Variants in KRAS observed in about 807,000 individuals in gnomAD.
KRAS encodes GTPase KRas.
Under a neutral mutation model 21.0 loss-of-function variants are expected in KRAS, and 1 was observed. The observed-to-expected ratio is 0.05, with a 90% CI of 0.02 to 0.23. The LOEUF (loss-of-function observed/expected upper bound fraction) is 0.23. Ranked by LOEUF, KRAS falls within the 10% of genes least tolerant of loss-of-function variation. The probability of loss-of-function intolerance (pLI) is 1.00; values close to 1 mark genes in which losing one functional copy is unlikely to be tolerated. For synonymous variants in KRAS, 67 were observed against 72.5 expected, an observed-to-expected ratio of 0.92 and a Z score of 0.39; for missense variants, 107 against 221.8, an observed-to-expected ratio of 0.48 and a Z score of 3.29.
chr12:25,219,263 A>T (rs1407463993), intron 4 of KRAS, among the ~76,000 whole-genome samples: 1 of 152,124 alleles, frequency 6.6e-6, no homozygotes, highest in Admixed American at 6.6e-5. Flanking sequence ...ACATATACTC[A>T]TTTTCAAATG....
intron 2 of KRAS, among the ~76,000 whole-genome samples, chr12:25,237,840 T>C (rs887905339): frequency 6.6e-6 from 1 of 152,218 alleles, no homozygotes; most frequent in African/African-American, 2.4e-5. Flanking sequence ...GGCAGGCCAC[T>C]GGCTACTGAG....
chr12:25,231,282 AG>A (rs1951466378), intron 2 of KRAS, among the ~76,000 whole-genome samples: 1 of 151,536 alleles, frequency 6.6e-6, no homozygotes, highest in Non-Finnish European at 1.5e-5. Context: ...TTGTATTTTT[AG>A]TACAGATTGG....
chr12:25,236,337 C>T (rs534527333), intron 2 of KRAS, among the ~76,000 whole-genome samples: 10 of 151,620 alleles, frequency 6.6e-5, no homozygotes, highest in African/African-American at 2.2e-4. Flanking sequence ...CAGACACTGA[C>T]TCATCATACC....
chr12:25,235,363 G>A (rs1951531088), intron 2 of KRAS: 1 of 367,858 alleles, frequency 2.7e-6, no homozygotes, highest in Admixed American at 4.5e-5. Flanking sequence ...GACGGTTGTA[G>A]ACTGTCAGAA....
intron 1 of KRAS, among the ~76,000 whole-genome samples, chr12:25,248,139 A>G (rs904198395): frequency 1.3e-5 from 2 of 151,912 alleles, no homozygotes; most frequent in Admixed American, 6.6e-5. Context: ...GGGATTACAG[A>G]TAAGAGCCAA....
At chr12:25,210,041 T>C (rs962628943) in intron 4 of KRAS, 130 bp from the exon 5 acceptor site, 6 of 601,224 alleles carry the variant, frequency 1.0e-5, no homozygotes, top group South Asian at 2.6e-5. Context: ...ACTGAATATA[T>C]ATTACATATA....
At chr12:25,240,340 C>T (rs1951595276) in intron 2 of KRAS, among the ~76,000 whole-genome samples, 1 of 152,104 alleles carries the variant, frequency 6.6e-6, no homozygotes, top group Non-Finnish European at 1.5e-5. Flanking sequence ...TAAAGTGGGC[C>T]ATCCATATCC....
chr12:25,231,092 C>CTTTTTTT (rs34361223), intron 2 of KRAS, among the ~76,000 whole-genome samples: 3 of 66,366 alleles, frequency 4.5e-5, no homozygotes, highest in Non-Finnish European at 8.3e-5. Context: ...ACCTCACATT[C>CTTTTTTT]TTTTTTTTTT....
intron 2 of KRAS, among the ~76,000 whole-genome samples, chr12:25,239,253 A>T: frequency 6.6e-6 from 1 of 152,084 alleles, no homozygotes; most frequent in African/African-American, 2.4e-5. Flanking sequence ...TCTAATTCAT[A>T]TATAAGATAG....
In KRAS at chr12:25,208,833, A is replaced by G. The variant is rs1951171740; in HGVS notation, c.*962T>C. The G allele has an allele frequency of 8.4e-6, 2 of 238,706 alleles. No individual in the cohort carries two copies. Among genetic ancestry groups the G allele is most frequent in the African/African-American group, 4.4e-5 (2 of 45,518 alleles). The allele number at this position is 238,706 out of a possible 1,614,324, so 14.8% of individuals were successfully genotyped here. A position where few individuals can be genotyped will look rare whatever the true frequency, so the allele number is the denominator to read the frequency against. On this transcript the variant is annotated 3_prime_UTR_variant, in exon 5 of 5. Transcript: ENST00000311936. Reference sequence around the variant, plus strand: ...TGGTCTCTTCAACACCTAATAAGCTATAACTGGCCCAAATAATCTTTTAAT... The same window carrying G: ...TGGTCTCTTCAACACCTAATAAGCTGTAACTGGCCCAAATAATCTTTTAAT...
chr12:25,231,987 G>GCATTGGTTC (rs1232304291), intron 2 of KRAS, among the ~76,000 whole-genome samples: 1 of 151,542 alleles, frequency 6.6e-6, no homozygotes, highest in East Asian at 1.9e-4. Flanking sequence ...TATACACACG[G>GCATTGGTTC]CATTGGTTCC....
chr12:25,236,851 C>T (rs1951550619), intron 2 of KRAS, among the ~76,000 whole-genome samples: 1 of 152,068 alleles, frequency 6.6e-6, no homozygotes, highest in South Asian at 2.1e-4. Flanking sequence ...CTCAAAAAGT[C>T]AAAGACAGAG....
At chr12:25,249,220 C>T (rs192749931) in intron 1 of KRAS, among the ~76,000 whole-genome samples, 155 of 152,110 alleles carry the variant, frequency 1.0e-3, no homozygotes, top group African/African-American at 3.5e-3. Context: ...CATGGTGAAA[C>T]CCCCGTCTCT....
At chr12:25,230,681 T>A (rs920917578) in intron 2 of KRAS, among the ~76,000 whole-genome samples, 9 of 152,350 alleles carry the variant, frequency 5.9e-5, no homozygotes, top group Admixed American at 3.9e-4. Context: ...AGATGCTATG[T>A]TAAATGTTTT....
Position 25,234,532 on chromosome 12 carries a change from A to C in KRAS, c.112-7120T>G, listed in dbSNP as rs185610607. 13 of 184,884 alleles carry C rather than the reference A, an allele frequency of 7.0e-5. No individual in the cohort carries two copies. In the East Asian group the frequency reaches 1.0e-3, roughly 15 times the overall value. The allele number at this position is 184,884 out of a possible 1,614,324, so 11.5% of individuals were successfully genotyped here. ...TATTGTTTTCATACCAATTTCTTTG[A>C]GGAGTAATAATGTTATATAGGTTTT... is the stretch of plus-strand genomic sequence containing the variant. On this transcript the variant is annotated intron_variant, in intron 2 of 4. Coordinates refer to ENST00000311936, the MANE Select transcript of KRAS (RefSeq NM_004985.5).
In KRAS at chr12:25,209,726, T is replaced by C; in HGVS notation, c.*69A>G. 1 of 1,568,278 alleles carries C rather than the reference T, an allele frequency of 6.4e-7. No homozygotes were observed. The highest frequency in any genetic ancestry group is 1.2e-5 in the South Asian group (1 of 84,246). ...TAGGTAATGCTAAAACAAATGCTAATAATTTAGTGTAATGTACAAAAATTA... is the reference window on the plus strand; with the variant it reads ...TAGGTAATGCTAAAACAAATGCTAACAATTTAGTGTAATGTACAAAAATTA... On this transcript the variant is annotated 3_prime_UTR_variant, in exon 5 of 5. Transcript: ENST00000311936.
At chr12:25,227,497 A>T (rs1445144895) in intron 2 of KRAS, 85 bp from the exon 3 acceptor site, 1 of 1,269,022 alleles carries the variant, frequency 7.9e-7, no homozygotes, top group Non-Finnish European at 1.1e-6. Context: ...ACAACAAAAA[A>T]TTCAATTTAA....
chr12:25,220,907 C>T (rs1453804848), intron 4 of KRAS, among the ~76,000 whole-genome samples: 1 of 151,410 alleles, frequency 6.6e-6, no homozygotes, highest in Non-Finnish European at 1.5e-5. Flanking sequence ...TGCCTGTAGT[C>T]CCAGCTGCTC....
At chr12:25,228,953 G>C (rs1331900183) in intron 2 of KRAS, among the ~76,000 whole-genome samples, 1 of 152,152 alleles carries the variant, frequency 6.6e-6, no homozygotes, top group African/African-American at 2.4e-5. Flanking sequence ...CAGCTACTCA[G>C]GAGGCTGAGG....
Sources: allele counts gnomAD v4.1 joint callset (sites outside exome capture counted in the v4.1 genomes callset), GRCh38; gene constraint gnomAD v4.1.1; transcripts MANE v1.5; gene names NCBI Gene and HGNC (gene_info 2026-07-23, HGNC 2026-07-21).